ADCK1: variants seen among roughly 807,000 people sequenced by gnomAD.
The protein encoded by ADCK1 is aarF domain containing kinase 1.
Under a neutral mutation model 52.3 loss-of-function variants are expected in ADCK1, and 41 were observed. That is an observed-to-expected ratio of 0.78 (90% CI 0.61 to 1.02). The LOEUF (loss-of-function observed/expected upper bound fraction) is 1.02, where lower values mean the gene tolerates loss of function less well. ADCK1 is among the 50% of genes least tolerant of loss of function. ADCK1 has a pLI of 0.00. For synonymous variants in ADCK1, 250 were observed against 274.6 expected (o/e 0.91, Z 0.89); for missense variants, 658 against 679.5 (o/e 0.97, Z 0.35).
At chr14:77,819,394 AG>A (rs1286453006) in intron 2 of ADCK1, among the ~76,000 whole-genome samples, 1 of 152,144 alleles carries the variant, frequency 6.6e-6, no homozygotes, top group Non-Finnish European at 1.5e-5. Flanking sequence ...TGTGTTCTGA[AG>A]CCTTTACATT....
At chr14:77,840,439 C>G (rs2082043487) in intron 3 of ADCK1, among the ~76,000 whole-genome samples, 2 of 152,128 alleles carry the variant, frequency 1.3e-5, no homozygotes, top group Admixed American at 1.3e-4. Flanking sequence ...CCTTCTCCCC[C>G]TCCCATCTCC....
chr14:77,802,056 C>T (rs1281379422), intron 1 of ADCK1, among the ~76,000 whole-genome samples: 1 of 151,846 alleles, frequency 6.6e-6, no homozygotes, highest in Non-Finnish European at 1.5e-5. Context: ...TATTTCAGGG[C>T]CCAGCAAGCT....
In ADCK1 at chr14:77,925,799, C is replaced by T; in HGVS notation, c.1044C>T (p.His348=). The change falls in exon 9 of 11, where the codon CAC becomes CAT. Residue 348 remains histidine (H), a synonymous_variant. Coordinates refer to ENST00000238561, the MANE Select transcript of ADCK1 (RefSeq NM_020421.4). The part of the protein sequence containing the change: ...LTEEFRLNYC[H]LWQSLIWTDM... ...AAGAATTCCGCCTGAATTACTGCCACCTCTGGCAGTCTCTGATCTGGACTG... is the reference window on the plus strand; with the variant it reads ...AAGAATTCCGCCTGAATTACTGCCATCTCTGGCAGTCTCTGATCTGGACTG... 2 of 1,614,204 alleles carry T rather than the reference C, an allele frequency of 1.2e-6. No individual in the cohort carries two copies. Among genetic ancestry groups the T allele is most frequent in the Non-Finnish European group, 8.5e-7 (1 of 1,180,010 alleles).
At chr14:77,896,267 G>T (rs1019375388) in intron 5 of ADCK1, among the ~76,000 whole-genome samples, 1 of 152,132 alleles carries the variant, frequency 6.6e-6, no homozygotes, top group Non-Finnish European at 1.5e-5. Flanking sequence ...TACAATAAAT[G>T]ATGAGGAATT....
intron 7 of ADCK1, among the ~76,000 whole-genome samples, chr14:77,910,450 G>A (rs991359665): frequency 6.6e-6 from 1 of 152,006 alleles, no homozygotes; most frequent in Admixed American, 6.6e-5. Context: ...TTCCAGTGGC[G>A]AAGGGATTCG....
chr14:77,866,253 G>A (rs904575026), intron 4 of ADCK1, among the ~76,000 whole-genome samples: 2 of 152,184 alleles, frequency 1.3e-5, no homozygotes, highest in African/African-American at 4.8e-5. Flanking sequence ...CATAGAAAAG[G>A]TTCAGTAAAA....
intron 9 of ADCK1, among the ~76,000 whole-genome samples, chr14:77,930,011 A>G (rs1241709228): frequency 1.3e-5 from 2 of 152,168 alleles, no homozygotes; most frequent in Admixed American, 6.5e-5. Context: ...AACAGGGTCT[A>G]CTGCAGACAC....
intron 10 of ADCK1, 124 bp from the exon 11 acceptor site, chr14:77,933,096 G>A (rs1566747719): frequency 3.3e-6 from 3 of 900,576 alleles, no homozygotes; most frequent in Non-Finnish European, 3.4e-6. Context: ...TCCAAGAGTA[G>A]TCCCTAGGGG....
chr14:77,831,147 A>G (rs1291258241), intron 3 of ADCK1, among the ~76,000 whole-genome samples: 1 of 152,126 alleles, frequency 6.6e-6, no homozygotes, highest in Non-Finnish European at 1.5e-5. Context: ...CAGTTGGGGG[A>G]CTGCCTCTTA....
intron 7 of ADCK1, among the ~76,000 whole-genome samples, chr14:77,912,475 T>TGG (rs1178017787): frequency 7.1e-6 from 1 of 141,696 alleles, no homozygotes; most frequent in Admixed American, 6.9e-5. Context: ...TGTGTGTGTG[T>TGG]GTAATGAAAG....
chr14:77,869,796 C>T (rs2082737407), intron 4 of ADCK1, among the ~76,000 whole-genome samples: 1 of 152,198 alleles, frequency 6.6e-6, no homozygotes. Flanking sequence ...GCCTCATTCA[C>T]AGCTGCTTCC....
At chr14:77,893,042 C>A (rs1024541824) in intron 5 of ADCK1, among the ~76,000 whole-genome samples, 2 of 152,110 alleles carry the variant, frequency 1.3e-5, no homozygotes, top group Non-Finnish European at 2.9e-5. Context: ...CTGATGGTGT[C>A]GATGACTTTG....
intron 2 of ADCK1, among the ~76,000 whole-genome samples, chr14:77,819,629 C>T (rs576753128): frequency 6.6e-6 from 1 of 152,140 alleles, no homozygotes; most frequent in African/African-American, 2.4e-5. Flanking sequence ...TGACAGAGAA[C>T]CTGAGTTGAA....
At chr14:77,891,875 C>T (rs2083291165) in intron 5 of ADCK1, among the ~76,000 whole-genome samples, 2 of 152,180 alleles carry the variant, frequency 1.3e-5, no homozygotes, top group African/African-American at 4.8e-5. Context: ...AAAGCTCGTA[C>T]TTGAAGTGAA....
chr14:77,888,514 C>T (rs1169902402), intron 5 of ADCK1, among the ~76,000 whole-genome samples: 1 of 151,964 alleles, frequency 6.6e-6, no homozygotes, highest in Admixed American at 6.6e-5. Context: ...TGTTGGGAGT[C>T]TGGAGAATGG....
At chr14:77,878,121 C>G (rs2082939086) in intron 4 of ADCK1, among the ~76,000 whole-genome samples, 1 of 152,234 alleles carries the variant, frequency 6.6e-6, no homozygotes, top group Non-Finnish European at 1.5e-5. Flanking sequence ...CTATCGCCTT[C>G]CCTTGACTTC....
At chr14:77,914,322 T>C (rs1471794564) in intron 7 of ADCK1, 2 of 768,010 alleles carry the variant, frequency 2.6e-6, no homozygotes, top group East Asian at 1.3e-4. Context: ...AGAGTCACTT[T>C]AGTGGGGTTC....
At chr14:77,804,752 G>T (rs959861038) in intron 1 of ADCK1, among the ~76,000 whole-genome samples, 1 of 152,164 alleles carries the variant, frequency 6.6e-6, no homozygotes, top group Non-Finnish European at 1.5e-5. Flanking sequence ...TGATTCATTC[G>T]TTCAGTAAAT....
chr14:77,912,067 A>G (rs1409542085), intron 7 of ADCK1, among the ~76,000 whole-genome samples: 1 of 152,224 alleles, frequency 6.6e-6, no homozygotes, highest in East Asian at 1.9e-4. Flanking sequence ...TGAACTTCAC[A>G]TAAATGGAAT....
Sources: gnomAD v4.1 joint callset for allele counts (sites outside exome capture counted in the v4.1 genomes callset) on GRCh38, gnomAD v4.1.1 for gene constraint, MANE v1.5 for transcripts, NCBI Gene and HGNC (gene_info 2026-07-23, HGNC 2026-07-21) for gene names.